TMEM245: variants seen among roughly 807,000 people sequenced by gnomAD.
The protein encoded by TMEM245 is protein CG-2.
TMEM245 carries 69 observed loss-of-function variants against 101.2 expected under a neutral mutation model. The observed-to-expected ratio is 0.68, with a 90% CI of 0.56 to 0.83. The LOEUF (loss-of-function observed/expected upper bound fraction) is 0.83, where lower values mean the gene tolerates loss of function less well. Ranked by LOEUF, TMEM245 falls within the 40% of genes least tolerant of loss-of-function variation. TMEM245 has a pLI of 0.00. For synonymous variants in TMEM245, 537 were observed against 449.8 expected (o/e 1.19, Z -2.45); for missense variants, 1,075 against 1,092.8 (o/e 0.98, Z 0.23).
chr9:109,062,688 G>A (rs950423983), intron 10 of TMEM245, among the ~76,000 whole-genome samples: 31 of 152,288 alleles, frequency 2.0e-4, no homozygotes, highest in African/African-American at 2.4e-5. Flanking sequence ...AAAGCCATTT[G>A]GCCAGGCATC....
At chr9:109,038,866 G>C (rs1257123047) in intron 14 of TMEM245, 3 of 152,236 alleles carry the variant, frequency 2.0e-5, no homozygotes, top group Non-Finnish European at 1.5e-5. Context: ...TAGTAAGGCA[G>C]TGCAGCACTA....
chr9:109,069,962 A>G (rs1283506424), intron 9 of TMEM245, among the ~76,000 whole-genome samples: 1 of 152,200 alleles, frequency 6.6e-6, no homozygotes, highest in Admixed American at 6.5e-5. Context: ...TTCTGCAGCA[A>G]TTTGACATTG....
At chr9:109,085,123 T>C (rs1172050936) in intron 7 of TMEM245, among the ~76,000 whole-genome samples, 1 of 152,186 alleles carries the variant, frequency 6.6e-6, no homozygotes, top group Non-Finnish European at 1.5e-5. Flanking sequence ...ATTATTTTTT[T>C]AAGAAACAGA....
At chr9:109,092,386 C>T (rs1490034820) in intron 4 of TMEM245, among the ~76,000 whole-genome samples, 1 of 152,216 alleles carries the variant, frequency 6.6e-6, no homozygotes, top group Non-Finnish European at 1.5e-5. Flanking sequence ...AGATCACTTG[C>T]ACCCTGGTAA....
chr9:109,016,532 G>A lies in TMEM245; in HGVS notation c.*3928C>T, dbSNP rs192761258. On this transcript the variant is annotated 3_prime_UTR_variant, in exon 18 of 18. Coordinates refer to ENST00000374586, the MANE Select transcript of TMEM245 (RefSeq NM_032012.4). ...TTGGGTCTTTCTCTAGAAAGTGACA[G>A]GACCACCTAATTTTAGAAGTCCCAT... is the stretch of plus-strand genomic sequence containing the variant. 1 of 150,846 alleles carries A rather than the reference G, an allele frequency of 6.6e-6. No individual in the cohort carries two copies. Among genetic ancestry groups the A allele is most frequent in the African/African-American group, 2.4e-5 (1 of 41,454 alleles). The allele number at this position is 150,846 out of a possible 1,614,324, so 9.3% of individuals were successfully genotyped here.
At chr9:109,087,017 GTGTA>G (rs535073027) in intron 6 of TMEM245, among the ~76,000 whole-genome samples, 152 bp downstream of exon 6, 42 of 152,246 alleles carry the variant, frequency 2.8e-4, no homozygotes, top group African/African-American at 9.2e-4. Flanking sequence ...TCTTATCCTT[GTGTA>G]AACCATAATT....
In TMEM245 at chr9:109,016,656, GTGTT is replaced by G. The variant is rs1384554698; in HGVS notation, c.*3800_*3803del. 70 of 87,968 alleles carry G rather than the reference GTGTT, an allele frequency of 8.0e-4. No homozygotes were observed. In the East Asian group the frequency reaches 9.4e-3, roughly 12 times the overall value. The allele number at this position is 87,968 out of a possible 1,614,324, so 5.4% of individuals were successfully genotyped here. ...CAAACAGTGGCTGCAGACAGCATGT[GTGTT>G]TTTTTTTTTTTTTTTTTTTGCAGGT... On this transcript the variant is annotated 3_prime_UTR_variant, in exon 18 of 18. Transcript: ENST00000374586.
chr9:109,040,244 T>C (rs1397195954), intron 14 of TMEM245, among the ~76,000 whole-genome samples: 1 of 152,188 alleles, frequency 6.6e-6, no homozygotes, highest in African/African-American at 2.4e-5. Flanking sequence ...GTTTTATAAA[T>C]AAAACAGCAG....
intron 5 of TMEM245, among the ~76,000 whole-genome samples, chr9:109,087,633 A>G (rs1034573656): frequency 2.6e-5 from 4 of 152,182 alleles, no homozygotes; most frequent in Non-Finnish European, 4.4e-5. Context: ...AGATAATCTC[A>G]TCGTGAAGAT....
chr9:109,015,995 GATTT>G lies in TMEM245; in HGVS notation c.*4461_*4464del, dbSNP rs375643926. ...AATATACTTGCTTTCTGGACTTCAA[GATTT>G]ATTACACACTACATGGTACCACAGT... On this transcript the variant is annotated 3_prime_UTR_variant, in exon 18 of 18. Coordinates refer to ENST00000374586, the MANE Select transcript of TMEM245 (RefSeq NM_032012.4). 59 of 152,642 alleles carry G rather than the reference GATTT, an allele frequency of 3.9e-4. 1 individual carries two copies. Among genetic ancestry groups the G allele is most frequent in the African/African-American group, 1.4e-3 (58 of 41,522 alleles). 9.5% of individuals were successfully genotyped at this position (152,642 alleles called of 1,614,324 possible). A position where few individuals can be genotyped will look rare whatever the true frequency, so the allele number is the denominator to read the frequency against.
At chr9:109,058,031 T>G (rs1310150905) in intron 11 of TMEM245, among the ~76,000 whole-genome samples, 1 of 150,240 alleles carries the variant, frequency 6.7e-6, no homozygotes, top group Non-Finnish European at 1.5e-5. Context: ...GACGGGGTCT[T>G]GCTCTATCAC....
chr9:109,032,019 T>C (rs1425572039), intron 17 of TMEM245, among the ~76,000 whole-genome samples: 2 of 152,196 alleles, frequency 1.3e-5, no homozygotes, highest in East Asian at 3.8e-4. Context: ...ATGTCTTTCA[T>C]CTAGATTCAA....
At chr9:109,034,849 T>C (rs1330029501) in intron 16 of TMEM245, among the ~76,000 whole-genome samples, 1 of 152,108 alleles carries the variant, frequency 6.6e-6, no homozygotes, top group Non-Finnish European at 1.5e-5. Context: ...CATTTCCCAA[T>C]AACAACGTTT....
rs1303849672 is a variant in TMEM245, at chr9:109,073,383, G to A, written c.1505C>T (p.Thr502Ile). Residue 502 changes from threonine (T) to isoleucine (I), a missense_variant, in exon 9 of 18, where the codon ACT becomes ATT. Physicochemically the swap from Thr to Ile is moderately conservative, Grantham distance 89. Transcript: ENST00000374586. ...IEVTSNLINETLANHPEWANW... is the reference protein window; with the variant it reads ...IEVTSNLINEILANHPEWANW... ...TGCCCACTCAGGGTGATTTGCTAGA[G>A]TTTCATTAATCAAATTACTTGTGAC... 5 of 1,612,750 alleles carry A rather than the reference G, an allele frequency of 3.1e-6. No homozygotes were observed. The African/African-American group carries it at 4.0e-5, about 13-fold the overall frequency.
chr9:109,101,004 T>C (rs1352000411), intron 3 of TMEM245, among the ~76,000 whole-genome samples: 1 of 152,006 alleles, frequency 6.6e-6, no homozygotes. Context: ...CAAGAAGAGT[T>C]TTCTGAGGCG....
chr9:109,036,628 A>G (rs995283907), intron 15 of TMEM245, among the ~76,000 whole-genome samples: 3 of 152,212 alleles, frequency 2.0e-5, no homozygotes, highest in Non-Finnish European at 4.4e-5. Flanking sequence ...TCTCTTCTTA[A>G]GCAATAAAAT....
intron 9 of TMEM245, among the ~76,000 whole-genome samples, chr9:109,065,811 C>G (rs1450605010): frequency 6.6e-6 from 1 of 152,030 alleles, no homozygotes; most frequent in Non-Finnish European, 1.5e-5. Flanking sequence ...CAAGCAGAAG[C>G]TAGTCATTTA....
Position 109,019,728 on chromosome 9 carries a change from T to C in TMEM245, c.*732A>G, listed in dbSNP as rs1198925777. 1.3e-5 allele frequency: 2 copies of C among 152,646 alleles called. No individual in the cohort carries two copies. Among genetic ancestry groups the C allele is most frequent in the Non-Finnish European group, 1.5e-5 (1 of 68,048 alleles). 9.5% of individuals were successfully genotyped at this position (152,646 alleles called of 1,614,324 possible). A position where few individuals can be genotyped will look rare whatever the true frequency, so the allele number is the denominator to read the frequency against. Reference sequence around the variant, plus strand: ...AATAACAGCATGAATTTTATCATACTGTTACCATTCATAGCAGCTTAATAA... The same window carrying C: ...AATAACAGCATGAATTTTATCATACCGTTACCATTCATAGCAGCTTAATAA... On this transcript the variant is annotated 3_prime_UTR_variant, in exon 18 of 18. Coordinates refer to ENST00000374586, the MANE Select transcript of TMEM245 (RefSeq NM_032012.4).
intron 8 of TMEM245, among the ~76,000 whole-genome samples, chr9:109,079,102 G>GT (rs1431157816): frequency 1.3e-5 from 2 of 152,144 alleles, no homozygotes; most frequent in African/African-American, 4.8e-5. Flanking sequence ...TAAAGAAAAA[G>GT]TACCTGTTTT....
Sources: gnomAD v4.1 joint callset for allele counts (sites outside exome capture counted in the v4.1 genomes callset) on GRCh38, gnomAD v4.1.1 for gene constraint, MANE v1.5 for transcripts, NCBI Gene and HGNC (gene_info 2026-07-23, HGNC 2026-07-21) for gene names.